Variants in ADGRL3 observed in about 807,000 individuals in gnomAD.
ADGRL3 encodes the protein calcium-independent alpha-latrotoxin receptor 3.
Under a neutral mutation model 153.5 loss-of-function variants are expected in ADGRL3, and 62 were observed. That is an observed-to-expected ratio of 0.40 (90% CI 0.33 to 0.50). ADGRL3 has a LOEUF of 0.50. ADGRL3 is among the 20% of genes least tolerant of loss of function. ADGRL3 has a pLI of 0.47. For missense variants in ADGRL3, 1,641 were observed against 1,859.4 expected, an observed-to-expected ratio of 0.88 and a Z score of 2.16; for synonymous variants, 710 against 672.5, an observed-to-expected ratio of 1.06 and a Z score of -0.86.
chr4:62,045,237 C>T (rs1730506879), intron 25 of ADGRL3, among the ~76,000 whole-genome samples: 2 of 151,452 alleles, frequency 1.3e-5, no homozygotes, highest in African/African-American at 4.8e-5. Flanking sequence ...CTTTCTCTTT[C>T]TCTCTCAACC....
At chr4:61,945,900 G>C (rs1488024935) in intron 15 of ADGRL3, among the ~76,000 whole-genome samples, 1 of 152,096 alleles carries the variant, frequency 6.6e-6, no homozygotes, top group Non-Finnish European at 1.5e-5. Context: ...CGTCTTCTGC[G>C]TCGCTCACGC....
At chr4:61,893,115 CTTT>C (rs1561427624) in intron 10 of ADGRL3, among the ~76,000 whole-genome samples, 157 bp downstream of exon 10, 9 of 145,248 alleles carry the variant, frequency 6.2e-5, no homozygotes, top group African/African-American at 1.8e-4. Context: ...TTCCTTCTTT[CTTT>C]CTCTCTTTCT....
At chr4:61,791,754 G>A (rs768187820) in intron 8 of ADGRL3, among the ~76,000 whole-genome samples, 4 of 152,200 alleles carry the variant, frequency 2.6e-5, no homozygotes, top group Non-Finnish European at 5.9e-5. Context: ...TCTAGGTGGA[G>A]GTTCTCAAAC....
At chr4:61,382,975 T>G (rs2096688880) in intron 1 of ADGRL3, 149 bp from the exon 2 acceptor site, 2 of 151,856 alleles carry the variant, frequency 1.3e-5, no homozygotes, top group African/African-American at 4.8e-5. Context: ...CTACATACCA[T>G]AGTTCTGCTG....
chr4:61,688,877 A>G (rs1343239752), intron 6 of ADGRL3, among the ~76,000 whole-genome samples: 2 of 152,172 alleles, frequency 1.3e-5, no homozygotes, highest in African/African-American at 2.4e-5. Flanking sequence ...TAGCTCTTAA[A>G]CCAGTTCTCT....
intron 9 of ADGRL3, among the ~76,000 whole-genome samples, chr4:61,831,488 G>C (rs1259243284): frequency 6.7e-6 from 1 of 149,424 alleles, no homozygotes; most frequent in Non-Finnish European, 1.5e-5. Context: ...GGGAGGTGGG[G>C]TAGGTATTCC....
intron 8 of ADGRL3, among the ~76,000 whole-genome samples, chr4:61,740,245 C>T (rs1052224621): frequency 1.3e-5 from 2 of 152,122 alleles, no homozygotes; most frequent in Non-Finnish European, 2.9e-5. Flanking sequence ...TTTATTATTA[C>T]CTTTAACTGG....
intron 1 of ADGRL3, among the ~76,000 whole-genome samples, chr4:61,246,235 T>C (rs1219864551): frequency 6.6e-6 from 1 of 151,970 alleles, no homozygotes; most frequent in African/African-American, 2.4e-5. Flanking sequence ...TTCTTTTCCC[T>C]CACTGCCTTG....
chr4:61,664,946 A>G (rs2094732230), intron 5 of ADGRL3, among the ~76,000 whole-genome samples: 1 of 152,158 alleles, frequency 6.6e-6, no homozygotes, highest in Admixed American at 6.5e-5. Flanking sequence ...GGTCCTTAAG[A>G]GGCAACTGCA....
intron 8 of ADGRL3, among the ~76,000 whole-genome samples, chr4:61,760,579 G>C (rs998098869): frequency 6.6e-6 from 1 of 152,218 alleles, no homozygotes; most frequent in Non-Finnish European, 1.5e-5. Context: ...GACTAGGAAA[G>C]GGAATTCCCT....
At chr4:61,998,551 A>G (rs534115590) in intron 21 of ADGRL3, among the ~76,000 whole-genome samples, 1 of 150,830 alleles carries the variant, frequency 6.6e-6, no homozygotes, top group South Asian at 2.1e-4. Flanking sequence ...CAACGTTTCC[A>G]TTTAGGGCAG....
chr4:62,070,883 C>A lies in ADGRL3; in HGVS notation c.4607C>A (p.Pro1536Gln). The stretch of plus-strand genomic sequence containing the variant: ...CCTCCCGAGGGAAGTTCAAAAGGAC[C>A]GGCTCATTTGGTCACTAGTCTATAG... ...GTPPEGSSKG[P>Q]AHLVTSL Residue 1536 changes from proline (P) to glutamine (Q), a missense_variant, in exon 27 of 27, where the codon CCG becomes CAG. Pro to Gln is a moderately conservative substitution (Grantham distance 76). Transcript: ENST00000683033. 1 of 1,550,232 alleles carries A rather than the reference C, an allele frequency of 6.5e-7. No individual in the cohort carries two copies. Among genetic ancestry groups the A allele is most frequent in the African/African-American group, 1.4e-5 (1 of 73,084 alleles).
At chr4:61,376,264 G>C (rs532105613) in intron 1 of ADGRL3, among the ~76,000 whole-genome samples, 76 of 152,186 alleles carry the variant, frequency 5.0e-4, no homozygotes, top group African/African-American at 1.8e-3. Context: ...TTATAAATGA[G>C]AGAAGCTTAA....
At chr4:61,808,264 C>T (rs900469231) in intron 8 of ADGRL3, among the ~76,000 whole-genome samples, 5 of 152,076 alleles carry the variant, frequency 3.3e-5, no homozygotes, top group South Asian at 2.1e-4. Flanking sequence ...TCCTTAATAC[C>T]GACCACAGAG....
Position 61,903,650 on chromosome 4 carries a change from C to CAAAA in ADGRL3, c.1888-5880_1888-5877dup, listed in dbSNP as rs55879235. Among the ~76,000 whole-genome samples, 300 of 72,364 alleles carry CAAAA rather than the reference C, an allele frequency of 4.1e-3. 20 individuals are homozygous for CAAAA. The highest frequency in any genetic ancestry group is 8.3e-3 in the East Asian group (14 of 1,682). The allele number at this position is 72,364 out of a possible 152,430, so 47.5% of individuals were successfully genotyped here. ...TGCTGCACTCCAGCTTGGGAAACAG[C>CAAAA]AAAAAAAAAAAAAAAAAAAAAAAAA... On this transcript the variant is annotated intron_variant, in intron 11 of 26. Transcript: ENST00000683033.
rs935645946 is a variant in ADGRL3 at position 61,767,107 on chromosome 4, C to T, written c.1399+33553C>T. Among the ~76,000 whole-genome samples the T allele has an allele frequency of 9.2e-5, 14 of 151,644 alleles. No homozygotes were observed. The East Asian group carries it at 1.6e-3, about 17-fold the overall frequency. On this transcript the variant is annotated intron_variant, in intron 8 of 26. Transcript: ENST00000683033. ...AGATGGTAAGGGGTGCATGATTGGT[C>T]GCCAAGGAGGGAGTAGAGGTATCTT...
intron 1 of ADGRL3, among the ~76,000 whole-genome samples, chr4:61,353,532 T>C (rs2096094855): frequency 6.6e-6 from 1 of 152,016 alleles, no homozygotes; most frequent in Non-Finnish European, 1.5e-5. Flanking sequence ...AAGAGGTGTT[T>C]TAATAGGTAT....
At chr4:62,013,746 G>A (rs931378863) in intron 21 of ADGRL3, among the ~76,000 whole-genome samples, 3 of 151,750 alleles carry the variant, frequency 2.0e-5, no homozygotes, top group Admixed American at 1.3e-4. Flanking sequence ...AAATTAGCTG[G>A]GCATGGTGGC....
At chr4:61,863,526 C>T (rs921493137) in intron 9 of ADGRL3, among the ~76,000 whole-genome samples, 5 of 151,854 alleles carry the variant, frequency 3.3e-5, no homozygotes, top group African/African-American at 4.8e-5. Flanking sequence ...CGTGAGCCAC[C>T]GTGCCCGGCC....
Sources: gnomAD v4.1 joint callset for allele counts (sites outside exome capture counted in the v4.1 genomes callset) on GRCh38, gnomAD v4.1.1 for gene constraint, MANE v1.5 for transcripts, NCBI Gene and HGNC (gene_info 2026-07-23, HGNC 2026-07-21) for gene names.